The following NKAIN3 variants were observed in gnomAD, a reference collection of about 807,000 sequenced individuals.
The protein encoded by NKAIN3 is sodium/potassium-transporting ATPase subunit beta-1-interacting protein 3.
In NKAIN3, 25 loss-of-function variants were observed where a neutral mutation model predicts 30.2. That is an observed-to-expected ratio of 0.83 (90% CI 0.60 to 1.16). The LOEUF is 1.16. Among genes scored for constraint, NKAIN3 ranks in the 50% most tolerant of loss-of-function variants. The pLI, the probability that NKAIN3 is intolerant of heterozygous loss-of-function variation, is 0.00. For missense variants in NKAIN3, 225 were observed against 254.1 expected (o/e 0.89, Z 0.78); for synonymous variants, 91 against 89.6 (o/e 1.02, Z -0.09).
rs1805683390 is a variant in NKAIN3 at position 62,452,663 on chromosome 8, A to G, written c.55-126876A>G. ...AAAAATATATTTTGAGGAAAAACAA[A>G]ATAAAAGAGTCTTGATTCCTAATCA... is the stretch of plus-strand genomic sequence containing the variant. On this transcript the variant is annotated intron_variant, in intron 1 of 6. Coordinates refer to ENST00000623646, the MANE Select transcript of NKAIN3 (RefSeq NM_001304533.3). Among the ~76,000 whole-genome samples, 8 of 152,084 alleles carry G rather than the reference A, an allele frequency of 5.3e-5. No homozygotes were observed. In the South Asian group the frequency reaches 1.7e-3, roughly 31 times the overall value.
chr8:62,262,338 A>G (rs548516512), intron 1 of NKAIN3, among the ~76,000 whole-genome samples: 1 of 152,304 alleles, frequency 6.6e-6, no homozygotes, highest in East Asian at 1.9e-4. Context: ...AGTATTTTGC[A>G]GTTTTTGCAT....
At chr8:62,878,040 C>CAAAAAAAAAAAA (rs34421488) in intron 4 of NKAIN3, among the ~76,000 whole-genome samples, 1 of 113,738 alleles carries the variant, frequency 8.8e-6, no homozygotes, top group African/African-American at 3.4e-5. Flanking sequence ...AACTCCATCT[C>CAAAAAAAAAAAA]AAAAAAAAAA....
At chr8:62,608,123 C>G (rs1403885251) in intron 3 of NKAIN3, among the ~76,000 whole-genome samples, 1 of 147,942 alleles carries the variant, frequency 6.8e-6, no homozygotes, top group Non-Finnish European at 1.5e-5. Flanking sequence ...TTTCTTTCTT[C>G]TTCTTTTCAC....
chr8:62,958,409 G>C (rs968248258), intron 6 of NKAIN3, among the ~76,000 whole-genome samples: 10 of 151,936 alleles, frequency 6.6e-5, no homozygotes, highest in Non-Finnish European at 1.2e-4. Context: ...GGAGGTATAA[G>C]TCTCACCATA....
chr8:62,415,267 CTA>C (rs1477688502), intron 1 of NKAIN3, among the ~76,000 whole-genome samples: 2 of 141,792 alleles, frequency 1.4e-5, no homozygotes, highest in Admixed American at 1.5e-4. Flanking sequence ...ATAATATACA[CTA>C]TAGTATATAT....
rs557924670 is a variant in NKAIN3, at chr8:62,966,159, T to A, written c.*752T>A. The A allele has an allele frequency of 3.0e-6, 3 of 985,088 alleles. No homozygotes were observed. In the South Asian group the frequency reaches 1.4e-4, roughly 46 times the overall value. The allele number at this position is 985,088 out of a possible 1,614,324, so 61.0% of individuals were successfully genotyped here. A position where few individuals can be genotyped will look rare whatever the true frequency, so the allele number is the denominator to read the frequency against. ...CTACTCATTATTCCATTCCTGACAC[T>A]GCTGTCAGACCTAAACATACAGCTC... On this transcript the variant is annotated 3_prime_UTR_variant, in exon 7 of 7. Transcript: ENST00000623646.
Position 62,628,298 on chromosome 8 carries a change from T to C in NKAIN3, c.273+38504T>C, listed in dbSNP as rs140527457. 6.1e-3 allele frequency among the ~76,000 whole-genome samples: 933 copies of C among 152,276 alleles called. 9 individuals are homozygous for C. Among genetic ancestry groups the C allele is most frequent in the African/African-American group, 0.021 (886 of 41,578 alleles). On this transcript the variant is annotated intron_variant, in intron 3 of 6. Coordinates refer to ENST00000623646, the MANE Select transcript of NKAIN3 (RefSeq NM_001304533.3). Reference sequence around the variant, plus strand: ...GTCATTATCTCTACACTGAATTAAGTGCTTGTATATGTTGCTGCACAACAA... The same window carrying C: ...GTCATTATCTCTACACTGAATTAAGCGCTTGTATATGTTGCTGCACAACAA...
chr8:62,340,530 C>T (rs1044150990), intron 1 of NKAIN3, among the ~76,000 whole-genome samples: 1 of 151,940 alleles, frequency 6.6e-6, no homozygotes, highest in Non-Finnish European at 1.5e-5. Context: ...TTTTGAGGCC[C>T]TGCCAATCCC....
At chr8:62,728,354 G>A (rs1042387001) in intron 3 of NKAIN3, among the ~76,000 whole-genome samples, 5 of 152,016 alleles carry the variant, frequency 3.3e-5, no homozygotes, top group African/African-American at 1.2e-4. Flanking sequence ...TTGAAAATCC[G>A]GACTTCAATT....
chr8:62,301,592 A>G (rs1023391886), intron 1 of NKAIN3, among the ~76,000 whole-genome samples: 1 of 152,098 alleles, frequency 6.6e-6, no homozygotes, highest in Non-Finnish European at 1.5e-5. Context: ...TTCACTATGT[A>G]TGAAAAAGCC....
At chr8:62,816,893 C>T (rs1050321118) in intron 4 of NKAIN3, among the ~76,000 whole-genome samples, 1 of 152,152 alleles carries the variant, frequency 6.6e-6, no homozygotes, top group Admixed American at 6.5e-5. Context: ...GGATTCCAGG[C>T]AGCTCCCTAG....
intron 3 of NKAIN3, among the ~76,000 whole-genome samples, chr8:62,718,336 A>T (rs1214791682): frequency 2.6e-5 from 4 of 152,370 alleles, no homozygotes; most frequent in African/African-American, 9.6e-5. Flanking sequence ...TGTGAAGTTA[A>T]CTGTACATAT....
intron 1 of NKAIN3, among the ~76,000 whole-genome samples, chr8:62,366,393 ATTTTTGTAT>A (rs1311038082): frequency 2.0e-5 from 3 of 151,848 alleles, no homozygotes; most frequent in Non-Finnish European, 4.4e-5. Context: ...TAGTTGATTA[ATTTTTGTAT>A]TTTTAGTAGA....
chr8:62,933,213 G>A lies in NKAIN3; in HGVS notation c.532+14700G>A, dbSNP rs376033926. Among the ~76,000 whole-genome samples the A allele has an allele frequency of 2.0e-5, 3 of 152,274 alleles. No individual in the cohort carries two copies. The East Asian group carries it at 5.8e-4, about 29-fold the overall frequency. On this transcript the variant is annotated intron_variant, in intron 5 of 6. Transcript: ENST00000623646. ...GGATTTATAAAAGAGATCTCAGTGA[G>A]CAAATGGCATTTTCATGGAGATTGT...
intron 1 of NKAIN3, among the ~76,000 whole-genome samples, chr8:62,338,775 A>G (rs1019898446): frequency 5.9e-5 from 9 of 151,988 alleles, no homozygotes; most frequent in Admixed American, 5.9e-4. Context: ...GTAGGCTGGG[A>G]GACTAGGTCA....
At chr8:62,381,818 C>G (rs1477763543) in intron 1 of NKAIN3, among the ~76,000 whole-genome samples, 2 of 142,500 alleles carry the variant, frequency 1.4e-5, no homozygotes, top group South Asian at 4.1e-4. Context: ...GCATGAATAT[C>G]TTCTTAATAT....
intron 1 of NKAIN3, among the ~76,000 whole-genome samples, chr8:62,484,549 C>A (rs1490708231): frequency 6.6e-6 from 1 of 152,158 alleles, no homozygotes; most frequent in African/African-American, 2.4e-5. Context: ...CTGCTCAGAG[C>A]TGAATTTTCT....
chr8:62,994,399 A>G (rs778318038), intron 5 of NKAIN3, among the ~76,000 whole-genome samples: 14 of 152,184 alleles, frequency 9.2e-5, no homozygotes, highest in Non-Finnish European at 1.8e-4. Flanking sequence ...AAGGGATTGT[A>G]TGATGATTTG....
At chr8:62,523,691 G>T (rs561946292) in intron 1 of NKAIN3, among the ~76,000 whole-genome samples, 37 of 152,186 alleles carry the variant, frequency 2.4e-4, no homozygotes, top group Admixed American at 1.4e-3. Context: ...GCCCTCCAAG[G>T]TACCTCAGTG....
Sources: gnomAD v4.1 joint callset for allele counts (sites outside exome capture counted in the v4.1 genomes callset) on GRCh38, gnomAD v4.1.1 for gene constraint, MANE v1.5 for transcripts, NCBI Gene and HGNC (gene_info 2026-07-23, HGNC 2026-07-21) for gene names.